The following PHKB variants were observed in gnomAD, a reference collection of about 807,000 sequenced individuals.
The protein encoded by PHKB is phosphorylase kinase regulatory subunit beta.
In PHKB, 122 loss-of-function variants were observed where a neutral mutation model predicts 152.1. The ratio of observed to expected loss-of-function variants is 0.80; its 90% CI spans 0.69 to 0.93. The LOEUF is 0.93. Ranked by LOEUF, PHKB falls within the 40% of genes least tolerant of loss-of-function variation. The pLI, the probability that PHKB is intolerant of heterozygous loss-of-function variation, is 0.00. For missense variants in PHKB, 1,304 were observed against 1,328.4 expected (o/e 0.98, Z 0.29); for synonymous variants, 436 against 464.9 (o/e 0.94, Z 0.80).
chr16:47,623,313 C>G (rs1202790403), intron 14 of PHKB, among the ~76,000 whole-genome samples: 1 of 151,884 alleles, frequency 6.6e-6, no homozygotes, highest in East Asian at 1.9e-4. Context: ...CCTAAAAAGT[C>G]TAGAGGAAAA....
chr16:47,570,509 G>A (rs1971639942), intron 7 of PHKB, among the ~76,000 whole-genome samples: 1 of 151,998 alleles, frequency 6.6e-6, no homozygotes, highest in South Asian at 2.1e-4. Context: ...TTGTCTGACT[G>A]GTTTAATTTG....
intron 14 of PHKB, among the ~76,000 whole-genome samples, chr16:47,618,778 A>C (rs1277179822): frequency 1.3e-5 from 2 of 152,204 alleles, no homozygotes; most frequent in Admixed American, 1.3e-4. Context: ...ATACCATATT[A>C]TCCCATCCTA....
intron 9 of PHKB, among the ~76,000 whole-genome samples, chr16:47,587,983 A>C (rs773878372): frequency 3.3e-5 from 5 of 152,208 alleles, no homozygotes; most frequent in Admixed American, 6.5e-5. Flanking sequence ...AATCTTTTGC[A>C]GGAGAATAGA....
intron 7 of PHKB, chr16:47,566,545 C>T (rs748464787): frequency 6.3e-7 from 1 of 1,593,192 alleles, no homozygotes; most frequent in East Asian, 2.2e-5. Context: ...ATATTTAGTC[C>T]TCTAAAGAAT....
rs1258177115 is a variant in PHKB, at chr16:47,699,931, A to G, written c.*565A>G. The G allele has an allele frequency of 6.2e-6, 1 of 161,350 alleles. No individual in the cohort carries two copies. Among genetic ancestry groups the G allele is most frequent in the Non-Finnish European group, 1.4e-5 (1 of 72,998 alleles). 10.0% of individuals were successfully genotyped at this position (161,350 alleles called of 1,614,324 possible). A position where few individuals can be genotyped will look rare whatever the true frequency, so the allele number is the denominator to read the frequency against. On this transcript the variant is annotated 3_prime_UTR_variant, in exon 31 of 31. Coordinates refer to ENST00000323584, the MANE Select transcript of PHKB (RefSeq NM_000293.3). ...ATTCTACAGTTTTTACATTGTAAAC[A>G]TGACTGTGGTTTTGTATTTGCTAAA...
intron 13 of PHKB, among the ~76,000 whole-genome samples, chr16:47,603,696 G>T (rs1288894490): frequency 6.6e-6 from 1 of 151,858 alleles, no homozygotes; most frequent in Non-Finnish European, 1.5e-5. Flanking sequence ...TTGGAGGCGG[G>T]GTTTCACCAT....
intron 13 of PHKB, chr16:47,598,701 C>T (rs922130229): frequency 2.6e-5 from 41 of 1,564,450 alleles, no homozygotes; most frequent in African/African-American, 6.8e-5. Flanking sequence ...CCACTAATGG[C>T]GCCCATGGTT....
At position 47,492,635 on chromosome 16, in the gene PHKB, G is replaced by A. The variant is rs1597027505; in HGVS notation, c.77-4764G>A. Among the ~76,000 whole-genome samples the A allele has an allele frequency of 5.3e-5, 8 of 152,256 alleles. 1 individual carries two copies. The highest frequency in any genetic ancestry group is 1.9e-4 in the African/African-American group (8 of 41,570). ...TCACGCACCCCAGCCTTGGCAGGGA[G>A]GGGAGGGTGGCGGGAGCTGCTGCTC... On this transcript the variant is annotated intron_variant, in intron 1 of 30. Coordinates refer to ENST00000323584, the MANE Select transcript of PHKB (RefSeq NM_000293.3).
intron 4 of PHKB, among the ~76,000 whole-genome samples, chr16:47,503,850 A>G (rs1003611747): frequency 6.6e-6 from 1 of 152,186 alleles, no homozygotes; most frequent in Non-Finnish European, 1.5e-5. Flanking sequence ...GAAAAAAAAG[A>G]AAACAGCTTT....
intron 7 of PHKB, among the ~76,000 whole-genome samples, chr16:47,551,524 TTGAG>T (rs1971270906): frequency 6.6e-6 from 1 of 152,244 alleles, no homozygotes; most frequent in African/African-American, 2.4e-5. Flanking sequence ...TTTTGTGGTT[TTGAG>T]TGAGTTTCTT....
chr16:47,672,501 A>C (rs1022803988), intron 26 of PHKB, among the ~76,000 whole-genome samples: 1 of 152,190 alleles, frequency 6.6e-6, no homozygotes, highest in South Asian at 2.1e-4. Context: ...ATAGGTTATA[A>C]GTCTTCCAAA....
chr16:47,608,064 C>A (rs1382095099), intron 13 of PHKB, among the ~76,000 whole-genome samples: 2 of 149,358 alleles, frequency 1.3e-5, no homozygotes, highest in African/African-American at 2.5e-5. Context: ...GTTATGAATT[C>A]TTTATATCTT....
chr16:47,547,656 T>C, intron 7 of PHKB, 108 bp downstream of exon 7: 1 of 726,634 alleles, frequency 1.4e-6, no homozygotes, highest in Non-Finnish European at 2.4e-6. Context: ...TGTTAATTTG[T>C]AGCAATTTTT....
chr16:47,635,539 A>T (rs907768182), intron 14 of PHKB, among the ~76,000 whole-genome samples: 4 of 152,190 alleles, frequency 2.6e-5, no homozygotes, highest in African/African-American at 9.7e-5. Flanking sequence ...TCTTATAGAG[A>T]TAAGGAATGC....
intron 1 of PHKB, 69 bp downstream of exon 1, chr16:47,461,495 C>A: frequency 2.0e-6 from 3 of 1,529,982 alleles, no homozygotes; most frequent in Non-Finnish European, 9.0e-7. Flanking sequence ...AGCGCCTTGG[C>A]GGGAGGCAGG....
Position 47,553,535 on chromosome 16 carries a change from T to C in PHKB, c.710+5987T>C, listed in dbSNP as rs1048952026. On this transcript the variant is annotated intron_variant, in intron 7 of 30. Coordinates refer to ENST00000323584, the MANE Select transcript of PHKB (RefSeq NM_000293.3). ...TTACCCACCTTCTGAAGCCTACTTC[T>C]GTCAGTTCATCAAACATTCTCCATC... Among the ~76,000 whole-genome samples the C allele has an allele frequency of 3.9e-5, 6 of 152,274 alleles. No homozygotes were observed. The South Asian group carries it at 1.2e-3, about 32-fold the overall frequency.
chr16:47,626,126 A>T (rs1203806568), intron 14 of PHKB, among the ~76,000 whole-genome samples: 1 of 152,226 alleles, frequency 6.6e-6, no homozygotes, highest in Non-Finnish European at 1.5e-5. Flanking sequence ...TAGTGTATAA[A>T]ACTGTTAAAT....
chr16:47,568,681 C>T (rs773205619), intron 7 of PHKB, among the ~76,000 whole-genome samples: 3 of 152,268 alleles, frequency 2.0e-5, no homozygotes, highest in South Asian at 2.1e-4. Context: ...TTTCTCATAG[C>T]GCTGCTTTTG....
At chr16:47,604,604 C>T (rs1031399455) in intron 13 of PHKB, among the ~76,000 whole-genome samples, 1 of 152,000 alleles carries the variant, frequency 6.6e-6, no homozygotes, top group East Asian at 1.9e-4. Context: ...ATCTGCTGAG[C>T]CTATTTTAGT....
Sources: allele counts gnomAD v4.1 joint callset (sites outside exome capture counted in the v4.1 genomes callset), GRCh38; gene constraint gnomAD v4.1.1; transcripts MANE v1.5; gene names NCBI Gene and HGNC (gene_info 2026-07-23, HGNC 2026-07-21).